Variants in ANKS1B observed in about 807,000 individuals in gnomAD.
The protein encoded by ANKS1B is ankyrin repeat and sterile alpha motif domain-containing protein 1B.
Under a neutral mutation model 148.3 loss-of-function variants are expected in ANKS1B, and 36 were observed. That is an observed-to-expected ratio of 0.24 (90% CI 0.19 to 0.32). The LOEUF is 0.32. ANKS1B is among the 10% of genes least tolerant of loss of function. ANKS1B has a pLI of 1.00. For synonymous variants in ANKS1B, 542 were observed against 560.8 expected (o/e 0.97, Z 0.47); for missense variants, 1,157 against 1,542.6 (o/e 0.75, Z 4.19).
intron 17 of ANKS1B, among the ~76,000 whole-genome samples, chr12:98,914,289 A>G (rs1042939050): frequency 6.6e-6 from 1 of 152,132 alleles, no homozygotes; most frequent in Non-Finnish European, 1.5e-5. Flanking sequence ...CTGAGGCCTC[A>G]GGAGAAGCAC....
At chr12:99,386,506 C>T (rs1224198900) in intron 12 of ANKS1B, among the ~76,000 whole-genome samples, 1 of 151,992 alleles carries the variant, frequency 6.6e-6, no homozygotes, top group Non-Finnish European at 1.5e-5. Context: ...AAAAGCCATG[C>T]TATGCTTTGT....
At chr12:99,264,789 C>T (rs1185340050) in intron 12 of ANKS1B, among the ~76,000 whole-genome samples, 2 of 152,062 alleles carry the variant, frequency 1.3e-5, no homozygotes, top group African/African-American at 2.4e-5. Context: ...CTCCTTTTCA[C>T]CTTTAGGATT....
chr12:98,967,286 T>C (rs1232594866), intron 17 of ANKS1B, among the ~76,000 whole-genome samples: 1 of 152,112 alleles, frequency 6.6e-6, no homozygotes, highest in Non-Finnish European at 1.5e-5. Flanking sequence ...TATCTGATGC[T>C]CTCCTAATTA....
chr12:99,731,425 T>TGTGC (rs1235732900), intron 8 of ANKS1B, among the ~76,000 whole-genome samples: 4 of 96,926 alleles, frequency 4.1e-5, no homozygotes, highest in Non-Finnish European at 1.0e-4. Context: ...TGTGTGTGTG[T>TGTGC]GTGTGTGTGT....
chr12:99,616,058 A>C (rs1333441514), intron 9 of ANKS1B, among the ~76,000 whole-genome samples: 2 of 152,148 alleles, frequency 1.3e-5, no homozygotes, highest in Non-Finnish European at 2.9e-5. Context: ...AAAGAGAATA[A>C]AATGTCTAGG....
intron 17 of ANKS1B, among the ~76,000 whole-genome samples, chr12:98,971,711 A>G (rs1462040600): frequency 6.6e-6 from 1 of 152,202 alleles, no homozygotes; most frequent in African/African-American, 2.4e-5. Context: ...GCTAGGATCC[A>G]GAGGGAATGA....
chr12:99,843,452 G>A (rs757298916), intron 1 of ANKS1B, among the ~76,000 whole-genome samples: 11 of 151,884 alleles, frequency 7.2e-5, no homozygotes, highest in South Asian at 2.1e-4. Context: ...TGTCCACTCC[G>A]TGTGTCCATG....
chr12:99,263,963 C>T (rs1258488369), intron 12 of ANKS1B, among the ~76,000 whole-genome samples: 7 of 152,098 alleles, frequency 4.6e-5, no homozygotes, highest in Admixed American at 4.6e-4. Flanking sequence ...TCTTGCACAC[C>T]TTGGCTGGGC....
At chr12:99,930,636 CAAT>C (rs1316148234) in intron 1 of ANKS1B, among the ~76,000 whole-genome samples, 1 of 152,144 alleles carries the variant, frequency 6.6e-6, no homozygotes, top group Non-Finnish European at 1.5e-5. Flanking sequence ...ATCAAAACCA[CAAT>C]GAGATACCAT....
chr12:99,045,439 T>C (rs1017200841), intron 17 of ANKS1B, among the ~76,000 whole-genome samples: 2 of 152,186 alleles, frequency 1.3e-5, no homozygotes, highest in Non-Finnish European at 2.9e-5. Context: ...ATTCCGCTTA[T>C]TAAAATCCTT....
chr12:99,517,687 T>C (rs2096835545), intron 9 of ANKS1B, among the ~76,000 whole-genome samples: 1 of 152,110 alleles, frequency 6.6e-6, no homozygotes, highest in African/African-American at 2.4e-5. Flanking sequence ...ACTTCTACCT[T>C]TCCAATTTGG....
chr12:99,087,966 G>A (rs2153636297), intron 15 of ANKS1B, among the ~76,000 whole-genome samples: 1 of 152,184 alleles, frequency 6.6e-6, no homozygotes, highest in African/African-American at 2.4e-5. Flanking sequence ...AAGAATTATA[G>A]GGAAGTTAGA....
intron 17 of ANKS1B, among the ~76,000 whole-genome samples, chr12:98,995,274 A>G (rs2099928836): frequency 6.6e-6 from 1 of 152,160 alleles, no homozygotes; most frequent in South Asian, 2.1e-4. Flanking sequence ...CCTATGGAAT[A>G]CTATTATTGC....
chr12:99,635,678 T>C (rs905332814), intron 9 of ANKS1B, among the ~76,000 whole-genome samples: 4 of 152,098 alleles, frequency 2.6e-5, no homozygotes, highest in African/African-American at 7.2e-5. Flanking sequence ...TGGAGACTGA[T>C]TAGACAATAA....
At chr12:99,636,481 T>G (rs1233458843) in intron 9 of ANKS1B, among the ~76,000 whole-genome samples, 1 of 152,190 alleles carries the variant, frequency 6.6e-6, no homozygotes, top group Non-Finnish European at 1.5e-5. Context: ...CACATAGATT[T>G]TCTCCATAAG....
intron 9 of ANKS1B, among the ~76,000 whole-genome samples, chr12:99,548,850 T>C (rs1472139671): frequency 6.6e-6 from 1 of 152,178 alleles, no homozygotes; most frequent in Non-Finnish European, 1.5e-5. Flanking sequence ...AAGATCATCA[T>C]TCCACAAATA....
intron 8 of ANKS1B, among the ~76,000 whole-genome samples, chr12:99,695,887 T>A (rs997618914): frequency 5.3e-5 from 8 of 151,982 alleles, no homozygotes; most frequent in Non-Finnish European, 1.2e-4. Context: ...GAACTTAAAA[T>A]AAAATAAAAC....
At chr12:99,065,419 T>C (rs2043795914) in intron 16 of ANKS1B, among the ~76,000 whole-genome samples, 1 of 152,180 alleles carries the variant, frequency 6.6e-6, no homozygotes, top group African/African-American at 2.4e-5. Flanking sequence ...ACAGAAGTAC[T>C]TCAAGCAGAT....
intron 12 of ANKS1B, among the ~76,000 whole-genome samples, chr12:99,375,168 A>G (rs1244459341): frequency 6.6e-6 from 1 of 152,210 alleles, no homozygotes. Context: ...CTTCAGCACT[A>G]CTGACATCCT....
Sources: gnomAD v4.1 joint callset for allele counts (sites outside exome capture counted in the v4.1 genomes callset) on GRCh38, gnomAD v4.1.1 for gene constraint, MANE v1.5 for transcripts, NCBI Gene and HGNC (gene_info 2026-07-23, HGNC 2026-07-21) for gene names.